The following SCRIB variants were observed in gnomAD, a reference collection of about 807,000 sequenced individuals.
The protein encoded by SCRIB is protein scribble homolog.
Under a neutral mutation model 170.0 loss-of-function variants are expected in SCRIB, and 72 were observed. The observed-to-expected ratio is 0.42, with a 90% CI of 0.35 to 0.52. The LOEUF is 0.52. SCRIB is among the 20% of genes least tolerant of loss of function. The pLI, the probability that SCRIB is intolerant of heterozygous loss-of-function variation, is 0.02. For missense variants in SCRIB, 2,475 were observed against 2,338.5 expected, an observed-to-expected ratio of 1.06 and a Z score of -1.20; for synonymous variants, 1,298 against 1,044.3, an observed-to-expected ratio of 1.24 and a Z score of -4.68.
At chr8:143,814,481 T>G (rs1176485243) in intron 1 of SCRIB, among the ~76,000 whole-genome samples, 1 of 152,096 alleles carries the variant, frequency 6.6e-6, no homozygotes, top group Non-Finnish European at 1.5e-5. Flanking sequence ...TACTGCATCC[T>G]GACAACAAGC....
intron 24 of SCRIB, among the ~76,000 whole-genome samples, chr8:143,799,959 C>T (rs967198050): frequency 6.6e-6 from 1 of 152,026 alleles, no homozygotes; most frequent in Non-Finnish European, 1.5e-5. Context: ...CCCACAGGGC[C>T]AGGCAGACAG....
In SCRIB at chr8:143,813,056, G is replaced by A. The variant is rs1369960064; in HGVS notation, c.616C>T (p.Arg206Trp). The A allele has an allele frequency of 4.4e-6, 7 of 1,589,034 alleles. No individual in the cohort carries two copies. Among genetic ancestry groups the A allele is most frequent in the East Asian group, 2.3e-5 (1 of 44,026 alleles). The change falls in exon 7 of 37, where the codon CGG becomes TGG. Residue 206 changes from arginine to tryptophan, a missense_variant. By Grantham distance (101) the Arg-to-Trp change is moderately radical (BLOSUM62 -3). Coordinates refer to ENST00000356994, the MANE Select transcript of SCRIB (RefSeq NM_182706.5). ...GGGGGCAGTGCTGACAGCTGGTTCCGGTCAAGCCACAGCTCCCGAAGATTG... is the reference window on the plus strand; with the variant it reads ...GGGGGCAGTGCTGACAGCTGGTTCCAGTCAAGCCACAGCTCCCGAAGATTG... ...LPNLRELWLDRNQLSALPPEL... is the reference protein window; with the variant it reads ...LPNLRELWLDWNQLSALPPEL...
In SCRIB at chr8:143,791,380, C is replaced by T; in HGVS notation, c.4822+9G>A. The T allele has an allele frequency of 1.2e-6, 2 of 1,608,240 alleles. No individual in the cohort carries two copies. Among genetic ancestry groups the T allele is most frequent in the Non-Finnish European group, 8.5e-7 (1 of 1,178,088 alleles). On this transcript the variant is annotated intron_variant, in intron 36 of 36. Coordinates refer to ENST00000356994, the MANE Select transcript of SCRIB (RefSeq NM_182706.5). ...CCTGGGAGCTCACCCCAGCCCGGCC[C>T]CAACTCACCAGGGCTGGGAGATGGT...
At position 143,815,383 on chromosome 8, in the gene SCRIB, G is replaced by T; in HGVS notation, c.-11C>A. 2 of 1,330,296 alleles carry T rather than the reference G, an allele frequency of 1.5e-6. No homozygotes were observed. Among genetic ancestry groups the T allele is most frequent in the Non-Finnish European group, 1.9e-6 (2 of 1,032,458 alleles). 82.4% of individuals were successfully genotyped at this position (1,330,296 alleles called of 1,614,324 possible). ...GATGCACTTGAGCATGGTGCGGGTG[G>T]GCGGCGCGGGCTCCGGCGGCGGCGC... On this transcript the variant is annotated 5_prime_UTR_variant, in exon 1 of 37. Coordinates refer to ENST00000356994, the MANE Select transcript of SCRIB (RefSeq NM_182706.5).
At chr8:143,812,057 G>C (rs758163718) in intron 9 of SCRIB, among the ~76,000 whole-genome samples, 1 of 152,134 alleles carries the variant, frequency 6.6e-6, no homozygotes, top group Non-Finnish European at 1.5e-5. Context: ...ATTCTTCACG[G>C]TAAACGGCAA....
Position 143,792,999 on chromosome 8 carries a change from G to A in SCRIB, c.3994C>T (p.Pro1332Ser), listed in dbSNP as rs782589889. The A allele has an allele frequency of 2.0e-6, 3 of 1,514,776 alleles. No individual in the cohort carries two copies. Among genetic ancestry groups the A allele is most frequent in the Non-Finnish European group, 1.8e-6 (2 of 1,129,642 alleles). The allele number at this position is 1,514,776 out of a possible 1,614,324, so 93.8% of individuals were successfully genotyped here. A position where few individuals can be genotyped will look rare whatever the true frequency, so the allele number is the denominator to read the frequency against. The change falls in exon 29 of 37, where the codon CCG becomes TCG. Residue 1332 changes from proline to serine, a missense_variant. Coordinates refer to ENST00000356994, the MANE Select transcript of SCRIB (RefSeq NM_182706.5). ...RAFAAVPTSH[P>S]PEDAPAQPPT... ...ACCTGGGCAGGGGCATCCTCAGGCG[G>A]GTGAGAAGTGGGCACGGCCGCGAAG...
At position 143,814,129 on chromosome 8, in the gene SCRIB, G is replaced by A. The variant is rs752415712; in HGVS notation, c.160-11C>T. 6.5e-7 allele frequency: 1 copy of A among 1,548,660 alleles called. No homozygotes were observed. The highest frequency in any genetic ancestry group is 8.7e-7 in the Non-Finnish European group (1 of 1,144,704). On this transcript the variant is annotated splice_polypyrimidine_tract_variant and intron_variant, in intron 1 of 36. Transcript: ENST00000356994. ...CAGCCGGAAAAAAGGCTGTGGGCAG[G>A]GAGGACACGGACTCTGTGGCAGAGA... is the stretch of plus-strand genomic sequence containing the variant.
At chr8:143,812,616 C>A (rs1815794441) in intron 8 of SCRIB, among the ~76,000 whole-genome samples, 1 of 152,192 alleles carries the variant, frequency 6.6e-6, no homozygotes. Flanking sequence ...ACTCCACCGC[C>A]CCCTCCAGCA....
chr8:143,806,068 G>C (rs1396439075), intron 18 of SCRIB, among the ~76,000 whole-genome samples: 2 of 152,126 alleles, frequency 1.3e-5, no homozygotes, highest in African/African-American at 2.4e-5. Flanking sequence ...GACCCCTCTC[G>C]GTCAGCCCAG....
At position 143,795,145 on chromosome 8, in the gene SCRIB, G is replaced by T. The variant is rs782507362; in HGVS notation, c.3772-33C>A. 3.7e-6 allele frequency: 6 copies of T among 1,605,438 alleles called. No individual in the cohort carries two copies. In the South Asian group the frequency reaches 6.6e-5, roughly 18 times the overall value. On this transcript the variant is annotated intron_variant, in intron 26 of 36. Transcript: ENST00000356994. ...CAGAGTGAACACAGCACTAGCAGGGGTAGCTCCGTGGCAGCACCCGGCCAG... is the reference window on the plus strand; with the variant it reads ...CAGAGTGAACACAGCACTAGCAGGGTTAGCTCCGTGGCAGCACCCGGCCAG...
Position 143,791,398 on chromosome 8 carries a change from G to A in SCRIB, c.4813C>T (p.Pro1605Ser). ...AEELRSLEPS[P>S]SPGPQEEDGE... ...CCCGGCCCCAACTCACCAGGGCTGG[G>A]AGATGGTTCCAGGGACCTCAACTCC... is the stretch of plus-strand genomic sequence containing the variant. Residue 1605 changes from proline to serine, a missense_variant, in exon 36 of 37, where the codon CCC (proline) becomes TCC (serine). By Grantham distance (74) the Pro-to-Ser change is moderately conservative. Coordinates refer to ENST00000356994, the MANE Select transcript of SCRIB (RefSeq NM_182706.5). 2 of 1,610,414 alleles carry A rather than the reference G, an allele frequency of 1.2e-6. No individual in the cohort carries two copies. The highest frequency in any genetic ancestry group is 1.7e-6 in the Non-Finnish European group (2 of 1,178,984).
intron 24 of SCRIB, among the ~76,000 whole-genome samples, chr8:143,798,346 A>G (rs2130029183): frequency 7.1e-6 from 1 of 140,498 alleles, no homozygotes; most frequent in East Asian, 1.9e-4. Flanking sequence ...TAGCAAAACC[A>G]CAGAATGATC....
rs782007188 is a variant in SCRIB, at chr8:143,791,885, C to G, written c.4686G>C (p.Pro1562=). 1.3e-6 allele frequency: 2 copies of G among 1,501,356 alleles called. No homozygotes were observed. 93.0% of individuals were successfully genotyped at this position (1,501,356 alleles called of 1,614,324 possible). A position where few individuals can be genotyped will look rare whatever the true frequency, so the allele number is the denominator to read the frequency against. ...EDLGPQTSTS[P]GRLPLSGKKF... ...GCCACCGGCTCCTCACCAGGCGTCC[C>G]GGGGAGGTGCTGGTCTGGGGGCCGA... is the stretch of plus-strand genomic sequence containing the variant. Residue 1562 remains proline, a synonymous_variant, in exon 34 of 37, where the codon CCG becomes CCC. Coordinates refer to ENST00000356994, the MANE Select transcript of SCRIB (RefSeq NM_182706.5).
Position 143,813,522 on chromosome 8 carries a change from C to T in SCRIB, c.451G>A (p.Ala151Thr), listed in dbSNP as rs976171888. Residue 151 changes from alanine (A) to threonine (T), a missense_variant, in exon 5 of 37, where the codon GCC becomes ACC. This residue lies in a region of SCRIB where 487 missense variants were observed against 558.1 expected (regional missense o/e 0.87). Transcript: ENST00000356994. ...QALPGDVGNLANLVTLELREN... is the reference protein window; with the variant it reads ...QALPGDVGNLTNLVTLELREN... The stretch of plus-strand genomic sequence containing the variant: ...CGGAGCTCCAGGGTCACCAGGTTGG[C>T]GAGGCTGAAAGAGAGACCAGGCGCT... The T allele has an allele frequency of 1.4e-5, 23 of 1,613,066 alleles. No homozygotes were observed. The highest frequency in any genetic ancestry group is 2.2e-5 in the East Asian group (1 of 44,884).
rs771613070 is a variant in SCRIB, at chr8:143,814,041, G to A, written c.237C>T (p.Ala79=). 4 of 1,558,986 alleles carry A rather than the reference G, an allele frequency of 2.6e-6. No individual in the cohort carries two copies. In the African/African-American group the frequency reaches 4.1e-5, roughly 16 times the overall value. ...CCAGCTCCACCAGCTGCATGAAGTT[G>A]GCCACCTCGGGAGGCAACCGCTGGA... The part of the protein sequence containing the change: ...NEIQRLPPEV[A]NFMQLVELDV... The change falls in exon 2 of 37, where the codon GCC becomes GCT. Residue 79 remains alanine, a synonymous_variant. Coordinates refer to ENST00000356994, the MANE Select transcript of SCRIB (RefSeq NM_182706.5).
chr8:143,811,363 G>T lies in SCRIB; in HGVS notation c.907-18C>A, dbSNP rs199941775. 60 of 1,607,204 alleles carry T rather than the reference G, an allele frequency of 3.7e-5. No homozygotes were observed. The African/African-American group carries it at 7.2e-4, about 19-fold the overall frequency. ...GGCAGGGCCTGGCCAAGAAGAGGAGGTCAGAGGACGCTAGGGGCTTGCTGG... is the reference window on the plus strand; with the variant it reads ...GGCAGGGCCTGGCCAAGAAGAGGAGTTCAGAGGACGCTAGGGGCTTGCTGG... On this transcript the variant is annotated intron_variant, in intron 9 of 36. Coordinates refer to ENST00000356994, the MANE Select transcript of SCRIB (RefSeq NM_182706.5).
rs1554633226 is a variant in SCRIB at position 143,792,763 on chromosome 8, A to AG, written c.4121dup (p.Lys1375Ter). On this transcript the variant is annotated frameshift_variant, in exon 30 of 37. Coordinates refer to ENST00000356994, the MANE Select transcript of SCRIB (RefSeq NM_182706.5). LOFTEE classifies it high-confidence loss of function. ...CAGCACCCACCAGGGACACGCGCTTAGGGGGGCCCTCGGCCTGGGGCACGC... is the reference window on the plus strand; with the variant it reads ...CAGCACCCACCAGGGACACGCGCTTAGGGGGGGCCCTCGGCCTGGGGCACGC... 1.9e-6 allele frequency: 3 copies of AG among 1,587,918 alleles called. No homozygotes were observed. Among genetic ancestry groups the AG allele is most frequent in the East Asian group, 2.3e-5 (1 of 44,180 alleles).
At chr8:143,806,784 A>C (rs1465662616) in intron 17 of SCRIB, 140 bp downstream of exon 17, 1 of 689,130 alleles carries the variant, frequency 1.5e-6, no homozygotes, top group Admixed American at 2.9e-5. Flanking sequence ...TCGGGATCCC[A>C]CAACAGTAGG....
intron 2 of SCRIB, 42 bp from the exon 3 acceptor site, chr8:143,813,938 G>A (rs780024632): frequency 6.3e-7 from 1 of 1,597,276 alleles, no homozygotes; most frequent in Non-Finnish European, 8.6e-7. Context: ...ATGGCCTGCA[G>A]GCCGTCTGCA....
Sources: allele counts gnomAD v4.1 joint callset (sites outside exome capture counted in the v4.1 genomes callset), GRCh38; gene constraint gnomAD v4.1.1; regional missense constraint gnomAD v4.1.1; transcripts MANE v1.5; gene names NCBI Gene and HGNC (gene_info 2026-07-23, HGNC 2026-07-21).